Variants in ARRB1 observed in about 807,000 individuals in gnomAD.
ARRB1 encodes the protein beta-arrestin-1.
A neutral mutation model predicts 56.8 loss-of-function variants in ARRB1; 21 were observed. The ratio of observed to expected loss-of-function variants is 0.37; its 90% CI spans 0.26 to 0.53. The LOEUF is 0.53. Among genes scored for constraint, ARRB1 ranks in the 20% least tolerant of loss-of-function variants. The pLI, the probability that ARRB1 is intolerant of heterozygous loss-of-function variation, is 0.88. For missense variants in ARRB1, 424 were observed against 553.7 expected (o/e 0.77, Z 2.35); for synonymous variants, 210 against 218.6 (o/e 0.96, Z 0.35).
intron 1 of ARRB1, among the ~76,000 whole-genome samples, chr11:75,334,545 T>A (rs1320325520): frequency 6.6e-6 from 1 of 152,202 alleles, no homozygotes; most frequent in Non-Finnish European, 1.5e-5. Context: ...CATCCAGCTT[T>A]CATCAGCATT....
intron 1 of ARRB1, among the ~76,000 whole-genome samples, chr11:75,290,979 C>T (rs148581801): frequency 3.9e-4 from 60 of 152,256 alleles, no homozygotes; most frequent in Non-Finnish European, 6.5e-4. Flanking sequence ...TGTCACTCCA[C>T]GAGGGCAGGG....
chr11:75,351,521 C>G, intron 1 of ARRB1, 67 bp downstream of exon 1: 1 of 1,494,438 alleles, frequency 6.7e-7, no homozygotes. Flanking sequence ...GCAATCGGAG[C>G]CCCCGCCCGT....
chr11:75,298,980 C>T (rs1946830465), intron 1 of ARRB1, among the ~76,000 whole-genome samples: 1 of 151,194 alleles, frequency 6.6e-6, no homozygotes, highest in African/African-American at 2.4e-5. Flanking sequence ...CAGAAGGCTG[C>T]ATATTATATG....
chr11:75,341,759 A>G (rs1363307281), intron 1 of ARRB1, among the ~76,000 whole-genome samples: 1 of 152,226 alleles, frequency 6.6e-6, no homozygotes, highest in Non-Finnish European at 1.5e-5. Flanking sequence ...GCTGAGGACT[A>G]GTTTGGGAAC....
chr11:75,311,750 G>A (rs563682414), intron 1 of ARRB1, among the ~76,000 whole-genome samples: 2 of 152,354 alleles, frequency 1.3e-5, no homozygotes, highest in East Asian at 1.9e-4. Flanking sequence ...TCTGAGTAGA[G>A]GGAAGTGAGG....
In ARRB1 at chr11:75,264,102, CCCT is replaced by C. The variant is rs1945857616; in HGVS notation, c.*2058_*2060del. 2 of 152,278 alleles carry C rather than the reference CCCT, an allele frequency of 1.3e-5. No homozygotes were observed. Among genetic ancestry groups the C allele is most frequent in the Non-Finnish European group, 2.9e-5 (2 of 68,108 alleles). 9.4% of individuals were successfully genotyped at this position (152,278 alleles called of 1,614,324 possible). On this transcript the variant is annotated 3_prime_UTR_variant, in exon 16 of 16. Transcript: ENST00000420843. ...GATGCCTGGGGGACCTGCAACTAGGCCCTCAAGACTGGACAGGGTAGTACGACA... is the reference window on the plus strand; with the variant it reads ...GATGCCTGGGGGACCTGCAACTAGGCCAAGACTGGACAGGGTAGTACGACA...
intron 1 of ARRB1, among the ~76,000 whole-genome samples, chr11:75,301,637 A>G (rs1372008474): frequency 6.6e-6 from 1 of 152,170 alleles, no homozygotes; most frequent in African/African-American, 2.4e-5. Flanking sequence ...ATTCACTCAG[A>G]CGCAGCCACC....
At chr11:75,344,627 A>G (rs1157629432) in intron 1 of ARRB1, among the ~76,000 whole-genome samples, 1 of 152,084 alleles carries the variant, frequency 6.6e-6, no homozygotes, top group African/African-American at 2.4e-5. Flanking sequence ...CCAACCCCCT[A>G]CTAGGACTCA....
At chr11:75,267,623 C>CCCCG in intron 15 of ARRB1, 29 bp downstream of exon 15, 1 of 1,557,448 alleles carries the variant, frequency 6.4e-7, no homozygotes, top group Non-Finnish European at 8.7e-7. Flanking sequence ...GGCCCACCCC[C>CCCCG]GGATGTCTGC....
At chr11:75,298,424 C>CTTCTTTGTGT (rs1946815157) in intron 1 of ARRB1, among the ~76,000 whole-genome samples, 1 of 152,128 alleles carries the variant, frequency 6.6e-6, no homozygotes, top group Non-Finnish European at 1.5e-5. Flanking sequence ...AGAAGATATT[C>CTTCTTTGTGT]AAGTGGCCAC....
chr11:75,283,308 G>A lies in ARRB1; in HGVS notation c.333C>T (p.His111=), dbSNP rs877711. 195,523 of 1,611,394 alleles carry A rather than the reference G, an allele frequency of 0.12. 13,286 individuals are homozygous for A. The highest frequency in any genetic ancestry group is 0.26 in the Admixed American group (15,661 of 59,708). ...TGACCTCAAAGGTGAAAGGGTAAGC[G>A]TGCTCGCCCAGCTTCTTGATGAGGC... ...QERLIKKLGE[H]AYPFTFEIPP... Residue 111 remains histidine, a synonymous_variant, in exon 5 of 16, where the codon CAC becomes CAT. Coordinates refer to ENST00000420843, the MANE Select transcript of ARRB1 (RefSeq NM_004041.5).
chr11:75,283,762 C>T (rs1037635969), intron 4 of ARRB1, among the ~76,000 whole-genome samples: 8 of 151,566 alleles, frequency 5.3e-5, no homozygotes, highest in Middle Eastern at 3.4e-3. Context: ...GGTATGGAAA[C>T]GGTCTGACAG....
At chr11:75,334,890 A>C (rs1424494466) in intron 1 of ARRB1, among the ~76,000 whole-genome samples, 2 of 151,850 alleles carry the variant, frequency 1.3e-5, no homozygotes, top group Non-Finnish European at 1.5e-5. Flanking sequence ...AGCAGGGCAG[A>C]GCTGGGCTTG....
At chr11:75,337,636 C>T (rs1319888233) in intron 1 of ARRB1, among the ~76,000 whole-genome samples, 1 of 151,970 alleles carries the variant, frequency 6.6e-6, no homozygotes, top group Non-Finnish European at 1.5e-5. Context: ...CAGTCAACTA[C>T]AATGTAAAGT....
intron 1 of ARRB1, among the ~76,000 whole-genome samples, chr11:75,312,481 AT>A (rs1947183357): frequency 6.6e-6 from 1 of 152,186 alleles, no homozygotes; most frequent in South Asian, 2.1e-4. Context: ...GGAGCCTTTC[AT>A]TGTCTCATGT....
At chr11:75,348,287 C>T (rs573218982) in intron 1 of ARRB1, among the ~76,000 whole-genome samples, 2 of 152,352 alleles carry the variant, frequency 1.3e-5, no homozygotes, top group African/African-American at 4.8e-5. Context: ...CCTATTCATC[C>T]TTCCAGATGA....
At chr11:75,349,009 A>G (rs1398932795) in intron 1 of ARRB1, among the ~76,000 whole-genome samples, 1 of 152,148 alleles carries the variant, frequency 6.6e-6, no homozygotes, top group African/African-American at 2.4e-5. Context: ...AGATGGAGGG[A>G]TGGTTGCGAT....
intron 1 of ARRB1, among the ~76,000 whole-genome samples, chr11:75,324,618 G>A (rs570405521): frequency 1.8e-4 from 27 of 152,174 alleles, no homozygotes; most frequent in East Asian, 1.4e-3. Flanking sequence ...TGTGGGTGTG[G>A]GTGTGGAATA....
intron 1 of ARRB1, among the ~76,000 whole-genome samples, chr11:75,290,532 C>T (rs765959326): frequency 9.2e-5 from 14 of 152,032 alleles, no homozygotes; most frequent in Middle Eastern, 6.8e-3. Flanking sequence ...ACTGTGCCTC[C>T]GGGGCCTGAA....
Sources: gnomAD v4.1 joint callset for allele counts (sites outside exome capture counted in the v4.1 genomes callset) on GRCh38, gnomAD v4.1.1 for gene constraint, MANE v1.5 for transcripts, NCBI Gene and HGNC (gene_info 2026-07-23, HGNC 2026-07-21) for gene names.